WNK4: variants seen among roughly 807,000 people sequenced by gnomAD.
The protein encoded by WNK4 is WNK lysine deficient protein kinase 4.
In WNK4, 94 loss-of-function variants were observed where a neutral mutation model predicts 116.2. That is an observed-to-expected ratio of 0.81 (90% CI 0.68 to 0.96). The LOEUF (loss-of-function observed/expected upper bound fraction) is 0.96. WNK4 is among the 40% of genes least tolerant of loss of function. The pLI, the probability that WNK4 is intolerant of heterozygous loss-of-function variation, is 0.00. For synonymous variants in WNK4, 655 were observed against 672.7 expected (o/e 0.97, Z 0.41); for missense variants, 1,542 against 1,650.6 (o/e 0.93, Z 1.14).
At position 42,785,569 on chromosome 17, in the gene WNK4, G is replaced by C. The variant is rs2054539620; in HGVS notation, c.1476+87G>C. ...GTGCAACAGGGATGGGGCGCAGGAG[G>C]GGTGGCAGCGATGGGGGCGGGGCAC... On this transcript the variant is annotated intron_variant, in intron 6 of 18. Coordinates refer to ENST00000246914, the MANE Select transcript of WNK4 (RefSeq NM_032387.5). 3 of 1,483,690 alleles carry C rather than the reference G, an allele frequency of 2.0e-6. No individual in the cohort carries two copies. In the African/African-American group the frequency reaches 4.2e-5, roughly 21 times the overall value. The allele number at this position is 1,483,690 out of a possible 1,614,324, so 91.9% of individuals were successfully genotyped here.
At position 42,784,016 on chromosome 17, in the gene WNK4, C is replaced by G. The variant is rs1167230262; in HGVS notation, c.871C>G (p.Leu291Val). The G allele has an allele frequency of 6.2e-7, 1 of 1,614,098 alleles. No homozygotes were observed. The highest frequency in any genetic ancestry group is 1.1e-5 in the South Asian group (1 of 91,084). ...CCAAATCCTGCGGGGACTTCATTTC[C>G]TACACTCCCGGGTTCCTCCCATCCT... ...SRQILRGLHFLHSRVPPILHR... is the reference protein window; with the variant it reads ...SRQILRGLHFVHSRVPPILHR... Residue 291 changes from leucine to valine, a missense_variant, in exon 3 of 19, where the codon CTA becomes GTA. This residue lies in a region of WNK4 where 808 missense variants were observed against 873.6 expected (regional missense o/e 0.92). Coordinates refer to ENST00000246914, the MANE Select transcript of WNK4 (RefSeq NM_032387.5). The surrounding 1 kb of genome is among the most constrained non-coding windows in gnomAD (Gnocchi z 4.4).
In WNK4 at chr17:42,784,157, G is replaced by C. The variant is rs373585658; in HGVS notation, c.1012G>C (p.Gly338Arg). ...CGCCTCCTTTGCCAAGAGTGTCATC[G>C]GTGCGTCTCTCCAGGAGGGTCCATG... The part of the protein sequence containing the change: ...KRASFAKSVI[G>R]TPEFMAPEMY... The change falls in exon 3 of 19, where the codon GGG becomes CGG. Residue 338 changes from glycine to arginine, a missense_variant and splice_region_variant. Gly to Arg is a moderately radical substitution (Grantham distance 125, BLOSUM62 -2). This residue lies in a region of WNK4 where 808 missense variants were observed against 873.6 expected (regional missense o/e 0.92). Coordinates refer to ENST00000246914, the MANE Select transcript of WNK4 (RefSeq NM_032387.5). This position sits in a 1 kb window ranked among gnomAD's most constrained non-coding sequence, Gnocchi z 4.4. 1 of 1,605,104 alleles carries C rather than the reference G, an allele frequency of 6.2e-7. No individual in the cohort carries two copies.
In WNK4 at chr17:42,787,845, G is replaced by GC; in HGVS notation, c.1814dup (p.Gly606TrpfsTer9). ...TGGATGCCTCAGACCCTGCCCTTCA[G>GC]CCCCCTGGGGGGGTGCCATCCAGCC... On this transcript the variant is annotated frameshift_variant, in exon 8 of 19. Transcript: ENST00000246914. LOFTEE classifies it high-confidence loss of function. 1 of 1,612,122 alleles carries GC rather than the reference G, an allele frequency of 6.2e-7. No homozygotes were observed.
chr17:42,788,354 C>A lies in WNK4; in HGVS notation c.1987C>A (p.Pro663Thr), dbSNP rs764406058. The A allele has an allele frequency of 3.7e-6, 6 of 1,613,638 alleles. No homozygotes were observed. Among genetic ancestry groups the A allele is most frequent in the African/African-American group, 1.3e-5 (1 of 74,894 alleles). The change falls in exon 10 of 19, where the codon CCC (proline) becomes ACC (threonine). Residue 663 changes from proline (P) to threonine (T), a missense_variant. Transcript: ENST00000246914. Reference sequence around the variant, plus strand: ...AGAAGGGATGGGACAAATGAGGAGACCCCCAGGGAGGAATCTCCGGCGCAG... The same window carrying A: ...AGAAGGGATGGGACAAATGAGGAGAACCCCAGGGAGGAATCTCCGGCGCAG... ...VGEGMGQMRRPPGRNLRRRPR... is the reference protein window; with the variant it reads ...VGEGMGQMRRTPGRNLRRRPR...
chr17:42,791,360 C>T (rs868384073), intron 11 of WNK4, among the ~76,000 whole-genome samples: 11 of 152,182 alleles, frequency 7.2e-5, no homozygotes, highest in Admixed American at 2.0e-4. Flanking sequence ...TAGGCTGTGC[C>T]GGGCATGGTG....
Position 42,795,883 on chromosome 17 carries a change from C to A in WNK4, c.3281C>A (p.Pro1094His), listed in dbSNP as rs371930924. 1.9e-6 allele frequency: 3 copies of A among 1,611,786 alleles called. No homozygotes were observed. The change falls in exon 16 of 19, where the codon CCC (proline) becomes CAC (histidine). Residue 1094 changes from proline (P) to histidine (H), a missense_variant. Around this residue, in one of 7 missense-constraint regions of WNK4, gnomAD observed 292 missense variants for 290.1 expected, o/e 1.01. Transcript: ENST00000246914. ...GAGGAAGGAGATGATGGGAAGGAAC[C>A]CCAAGTTGGGGGCAGCCCCCAACCC... is the stretch of plus-strand genomic sequence containing the variant. ...VEEEGDDGKEPQVGGSPQPLS... is the reference protein window; with the variant it reads ...VEEEGDDGKEHQVGGSPQPLS...
intron 6 of WNK4, among the ~76,000 whole-genome samples, chr17:42,786,494 G>A (rs2054551070): frequency 6.6e-6 from 1 of 152,190 alleles, no homozygotes; most frequent in Admixed American, 6.5e-5. Context: ...CTGGGTTCAA[G>A]CAATTCTCCT....
chr17:42,780,784 G>T lies in WNK4; in HGVS notation c.86G>T (p.Gly29Val). The part of the protein sequence containing the change: ...DLALRPPPPL[G>V]TAGQPRLGPP... ...GCCCTGCGGCCCCCGCCTCCTCTTGGCACCGCGGGGCAGCCCCGCCTCGGG... is the reference window on the plus strand; with the variant it reads ...GCCCTGCGGCCCCCGCCTCCTCTTGTCACCGCGGGGCAGCCCCGCCTCGGG... The change falls in exon 1 of 19, where the codon GGC becomes GTC. Residue 29 changes from glycine (G) to valine (V), a missense_variant. Gly to Val is a moderately radical substitution (Grantham distance 109). This residue lies in a region of WNK4 where 243 missense variants were observed against 217.8 expected (regional missense o/e 1.12). Coordinates refer to ENST00000246914, the MANE Select transcript of WNK4 (RefSeq NM_032387.5). The T allele has an allele frequency of 6.2e-7, 1 of 1,604,666 alleles. No homozygotes were observed.
In WNK4 at chr17:42,784,308, C is replaced by A; in HGVS notation, c.1013-114C>A. Reference sequence around the variant, plus strand: ...GGAGACCTATGGCACCCACCTCAACCCCACTGTGGGCCGGGGTCACTTGCA... The same window carrying A: ...GGAGACCTATGGCACCCACCTCAACACCACTGTGGGCCGGGGTCACTTGCA... On this transcript the variant is annotated intron_variant, in intron 3 of 18. Coordinates refer to ENST00000246914, the MANE Select transcript of WNK4 (RefSeq NM_032387.5). This position sits in a 1 kb window ranked among gnomAD's most constrained non-coding sequence, Gnocchi z 4.4. 1 of 1,546,698 alleles carries A rather than the reference C, an allele frequency of 6.5e-7. No individual in the cohort carries two copies. The highest frequency in any genetic ancestry group is 8.8e-7 in the Non-Finnish European group (1 of 1,133,000).
intron 18 of WNK4, 42 bp from the exon 19 acceptor site, chr17:42,796,644 C>A: frequency 6.2e-7 from 1 of 1,614,242 alleles, no homozygotes; most frequent in Non-Finnish European, 8.5e-7. Flanking sequence ...CGCCTTCCTC[C>A]CACCTTGGAG....
chr17:42,792,742 A>G (rs1471869453), intron 11 of WNK4, among the ~76,000 whole-genome samples: 1 of 152,226 alleles, frequency 6.6e-6, no homozygotes, highest in Non-Finnish European at 1.5e-5. Context: ...GCCAGCACAT[A>G]GTAGGTGCTC....
intron 11 of WNK4, among the ~76,000 whole-genome samples, chr17:42,791,949 C>CAA (rs746235424): frequency 2.8e-4 from 35 of 125,556 alleles, no homozygotes; most frequent in African/African-American, 8.2e-4. Context: ...GGCTCAGTCT[C>CAA]AAAAAAAAAA....
rs1193219081 is a variant in WNK4 at position 42,788,371 on chromosome 17, C to T, written c.2004C>T (p.Leu668=). ...GQMRRPPGRN[L]RRRPRSRLRV... ...TGAGGAGACCCCCAGGGAGGAATCT[C>T]CGGCGCAGACCCCGATCCCGGCTGC... Residue 668 remains leucine, a synonymous_variant, in exon 10 of 19, where the codon CTC becomes CTT. Transcript: ENST00000246914. 1 of 1,613,212 alleles carries T rather than the reference C, an allele frequency of 6.2e-7. No homozygotes were observed. The highest frequency in any genetic ancestry group is 8.5e-7 in the Non-Finnish European group (1 of 1,180,034).
Position 42,788,812 on chromosome 17 carries a change from G to A in WNK4, c.2157+15G>A, listed in dbSNP as rs576014564. ...CAGCTGCCATGGTGAGGGGGAGAGAGATGAGGACAGAGTGTTTGGATCTGG... is the reference window on the plus strand; with the variant it reads ...CAGCTGCCATGGTGAGGGGGAGAGAAATGAGGACAGAGTGTTTGGATCTGG... On this transcript the variant is annotated intron_variant, in intron 11 of 18. Coordinates refer to ENST00000246914, the MANE Select transcript of WNK4 (RefSeq NM_032387.5). 4.1e-5 allele frequency: 66 copies of A among 1,593,092 alleles called. No individual in the cohort carries two copies. In the East Asian group the frequency reaches 1.4e-3, roughly 33 times the overall value.
At chr17:42,792,308 T>C (rs376615348) in intron 11 of WNK4, among the ~76,000 whole-genome samples, 7 of 152,226 alleles carry the variant, frequency 4.6e-5, no homozygotes, top group Non-Finnish European at 1.0e-4. Context: ...AGACTTACTC[T>C]GTGAAACTGC....
At chr17:42,791,122 A>T (rs1287087890) in intron 11 of WNK4, among the ~76,000 whole-genome samples, 1 of 152,088 alleles carries the variant, frequency 6.6e-6, no homozygotes, top group African/African-American at 2.4e-5. Flanking sequence ...GCACAGCCAA[A>T]GTGACCCCAC....
intron 11 of WNK4, among the ~76,000 whole-genome samples, chr17:42,789,088 G>A (rs568179104): frequency 1.3e-5 from 2 of 152,284 alleles, no homozygotes; most frequent in East Asian, 1.9e-4. Flanking sequence ...GGCTGTAGGT[G>A]AAGGATGGAC....
In WNK4 at chr17:42,796,034, G is replaced by A. The variant is rs1188189102; in HGVS notation, c.3431+1G>A. 1 of 1,614,020 alleles carries A rather than the reference G, an allele frequency of 6.2e-7. No homozygotes were observed. Among genetic ancestry groups the A allele is most frequent in the Non-Finnish European group, 8.5e-7 (1 of 1,180,030 alleles). ...CTGAGCTGCAGAGTCTTCGGCAGAA[G>A]TGAGTCTCGGGAGGATGGAGGAGTG... On this transcript the variant is annotated splice_donor_variant, in intron 16 of 18. Coordinates refer to ENST00000246914, the MANE Select transcript of WNK4 (RefSeq NM_032387.5). LOFTEE classifies it high-confidence loss of function.
In WNK4 at chr17:42,787,829, C is replaced by T. The variant is rs775595164; in HGVS notation, c.1793C>T (p.Ser598Leu). The change falls in exon 8 of 19, where the codon TCA becomes TTA. Residue 598 changes from serine (S) to leucine (L), a missense_variant. Ser to Leu is a moderately radical substitution (Grantham distance 145). This residue lies in a region of WNK4 where 808 missense variants were observed against 873.6 expected (regional missense o/e 0.92). Coordinates refer to ENST00000246914, the MANE Select transcript of WNK4 (RefSeq NM_032387.5). ...YLSSSGFLDASDPALQPPGGV... is the reference protein window; with the variant it reads ...YLSSSGFLDALDPALQPPGGV... The stretch of plus-strand genomic sequence containing the variant: ...AGCTCCTCCGGCTTCCTGGATGCCT[C>T]AGACCCTGCCCTTCAGCCCCCTGGG... 9 of 1,612,486 alleles carry T rather than the reference C, an allele frequency of 5.6e-6. No individual in the cohort carries two copies. The Admixed American group carries it at 1.5e-4, about 27-fold the overall frequency.
Sources: allele counts gnomAD v4.1 joint callset (sites outside exome capture counted in the v4.1 genomes callset), GRCh38; gene constraint gnomAD v4.1.1; regional missense constraint gnomAD v4.1.1; non-coding constraint Gnocchi (gnomAD v3.1); transcripts MANE v1.5; gene names NCBI Gene and HGNC (gene_info 2026-07-23, HGNC 2026-07-21).